Variants in LIN54 observed in about 807,000 individuals in gnomAD.
LIN54 encodes the protein lin-54 DREAM MuvB core complex component.
LIN54 carries 9 observed loss-of-function variants against 78.7 expected under a neutral mutation model. The ratio of observed to expected loss-of-function variants is 0.11; its 90% CI spans 0.07 to 0.20. The LOEUF (loss-of-function observed/expected upper bound fraction) is 0.20. LIN54 is among the 10% of genes least tolerant of loss of function. The pLI is 1.00. For synonymous variants in LIN54, 269 were observed against 318.4 expected, an observed-to-expected ratio of 0.84 and a Z score of 1.65; for missense variants, 573 against 889.9, an observed-to-expected ratio of 0.64 and a Z score of 4.53.
intron 4 of LIN54, among the ~76,000 whole-genome samples, chr4:82,961,535 GA>G (rs1297585899): frequency 2.0e-5 from 3 of 152,104 alleles, no homozygotes; most frequent in African/African-American, 7.2e-5. Flanking sequence ...TGAAAAAAAA[GA>G]GTTCTCCACT....
Position 82,984,375 on chromosome 4 carries a change from G to A in LIN54, c.470C>T (p.Pro157Leu). Reference sequence around the variant, plus strand: ...CTGAGCCTGGGGTAGTTGGCTATGGGGTAGTGCTAAAACAATTGGTGAACC... The same window carrying A: ...CTGAGCCTGGGGTAGTTGGCTATGGAGTAGTGCTAAAACAATTGGTGAACC... ...KSGSPIVLAL[P>L]HSQLPQAQKV... is the part of the protein sequence containing the mutation. The change falls in exon 2 of 13, where the codon CCC becomes CTC. Residue 157 changes from proline (P) to leucine (L), a missense_variant. Pro to Leu is a moderately conservative substitution (Grantham distance 98). Transcript: ENST00000340417. The A allele has an allele frequency of 6.2e-7, 1 of 1,614,148 alleles. No homozygotes were observed. Among genetic ancestry groups the A allele is most frequent in the Non-Finnish European group, 8.5e-7 (1 of 1,180,010 alleles).
intron 1 of LIN54, among the ~76,000 whole-genome samples, chr4:82,994,925 G>T (rs1048782048): frequency 6.6e-6 from 1 of 151,984 alleles, no homozygotes; most frequent in Non-Finnish European, 1.5e-5. Flanking sequence ...TACCTGTCCT[G>T]TTAAAAGAGA....
At chr4:83,006,941 A>G (rs978878689) in intron 1 of LIN54, among the ~76,000 whole-genome samples, 1 of 152,156 alleles carries the variant, frequency 6.6e-6, no homozygotes, top group Non-Finnish European at 1.5e-5. Context: ...GGAGTTTGAG[A>G]CCAGCCTGGC....
chr4:83,010,978 G>A (rs1729825772), upstream of LIN54: 5 of 575,162 alleles, frequency 8.7e-6, no homozygotes, highest in Non-Finnish European at 1.3e-5. Flanking sequence ...TCACCCCCGG[G>A]CGGAGCACGG....
Position 82,926,287 on chromosome 4 carries a change from A to G in LIN54, c.*1815T>C, listed in dbSNP as rs1315757435. ...CTTGATTATTATTTTACCCTCTTACACTAATTTACATTTATACAAATTTTA... is the reference window on the plus strand; with the variant it reads ...CTTGATTATTATTTTACCCTCTTACGCTAATTTACATTTATACAAATTTTA... On this transcript the variant is annotated 3_prime_UTR_variant, in exon 13 of 13. Coordinates refer to ENST00000340417, the MANE Select transcript of LIN54 (RefSeq NM_194282.4). 2 of 152,494 alleles carry G rather than the reference A, an allele frequency of 1.3e-5. No individual in the cohort carries two copies. The highest frequency in any genetic ancestry group is 2.4e-5 in the African/African-American group (1 of 41,404). 9.4% of individuals were successfully genotyped at this position (152,494 alleles called of 1,614,324 possible). A position where few individuals can be genotyped will look rare whatever the true frequency, so the allele number is the denominator to read the frequency against.
intron 5 of LIN54, among the ~76,000 whole-genome samples, chr4:82,942,402 T>C (rs1436550645): frequency 1.3e-5 from 2 of 152,212 alleles, no homozygotes; most frequent in African/African-American, 4.8e-5. Flanking sequence ...ATGGTATACA[T>C]GAATTACATC....
At chr4:82,946,587 CT>C in intron 4 of LIN54, 113 bp from the exon 5 acceptor site, 1 of 802,310 alleles carries the variant, frequency 1.2e-6, no homozygotes, top group South Asian at 1.7e-5. Context: ...GCATCAAAAG[CT>C]GCTGAAAGGA....
chr4:82,939,094 T>C (rs1288092063), intron 7 of LIN54, among the ~76,000 whole-genome samples: 2 of 152,222 alleles, frequency 1.3e-5, no homozygotes, highest in Admixed American at 1.3e-4. Context: ...TAAGAGTAGA[T>C]AGATCGCTGA....
chr4:83,008,067 T>C (rs543172346), intron 1 of LIN54, among the ~76,000 whole-genome samples: 1 of 152,268 alleles, frequency 6.6e-6, no homozygotes, highest in Non-Finnish European at 1.5e-5. Flanking sequence ...TATGGTGTTT[T>C]TACCTCCATC....
intron 1 of LIN54, 120 bp from the exon 2 acceptor site, chr4:82,984,996 A>G: frequency 1.5e-6 from 1 of 649,196 alleles, no homozygotes; most frequent in Non-Finnish European, 2.6e-6. Context: ...TTGAATGAAG[A>G]ATATTCCTGA....
intron 1 of LIN54, among the ~76,000 whole-genome samples, chr4:82,987,288 C>T (rs1727235904): frequency 1.3e-5 from 2 of 152,110 alleles, no homozygotes; most frequent in South Asian, 4.1e-4. Flanking sequence ...GAGACTTTGT[C>T]TCAAAAATTT....
intron 4 of LIN54, among the ~76,000 whole-genome samples, chr4:82,968,297 TA>T (rs978783299): frequency 1.3e-5 from 2 of 152,042 alleles, no homozygotes; most frequent in Non-Finnish European, 2.9e-5. Flanking sequence ...TAGTTAAGTG[TA>T]AAATCTTGCC....
intron 4 of LIN54, among the ~76,000 whole-genome samples, chr4:82,960,658 C>G (rs914699266): frequency 3.9e-5 from 6 of 152,112 alleles, no homozygotes; most frequent in Admixed American, 3.3e-4. Context: ...GTCTCAAACT[C>G]CTGGTGCCCA....
intron 4 of LIN54, among the ~76,000 whole-genome samples, chr4:82,951,409 A>AT (rs774286796): frequency 2.6e-5 from 4 of 152,178 alleles, no homozygotes; most frequent in South Asian, 2.1e-4. Flanking sequence ...ATTAGTATCC[A>AT]TGGTAGCAGC....
intron 4 of LIN54, among the ~76,000 whole-genome samples, chr4:82,965,105 T>TA (rs1462091071): frequency 6.6e-6 from 1 of 152,072 alleles, no homozygotes; most frequent in African/African-American, 2.4e-5. Flanking sequence ...AAGGGCCATG[T>TA]AAAAAATAAT....
chr4:82,954,695 A>G (rs1184550373), intron 4 of LIN54, among the ~76,000 whole-genome samples: 4 of 152,218 alleles, frequency 2.6e-5, no homozygotes, highest in African/African-American at 9.6e-5. Flanking sequence ...TAACAGGAGA[A>G]CATAAAAACA....
intron 1 of LIN54, among the ~76,000 whole-genome samples, chr4:83,008,964 A>G (rs1729639358): frequency 6.6e-6 from 1 of 152,236 alleles, no homozygotes; most frequent in South Asian, 2.1e-4. Context: ...GTCAGCAGCT[A>G]TAAGGCATGG....
chr4:83,003,817 C>T (rs889587012), intron 1 of LIN54, among the ~76,000 whole-genome samples: 3 of 152,150 alleles, frequency 2.0e-5, no homozygotes, highest in Non-Finnish European at 4.4e-5. Context: ...TGAGCTACTG[C>T]ACCTGACCTA....
chr4:82,956,125 A>G (rs1373794762), intron 4 of LIN54, among the ~76,000 whole-genome samples: 1 of 151,914 alleles, frequency 6.6e-6, no homozygotes, highest in Non-Finnish European at 1.5e-5. Context: ...ATTTTTTAGT[A>G]TTTTTAGTAG....
Sources: allele counts gnomAD v4.1 joint callset (sites outside exome capture counted in the v4.1 genomes callset), GRCh38; gene constraint gnomAD v4.1.1; transcripts MANE v1.5; gene names NCBI Gene and HGNC (gene_info 2026-07-23, HGNC 2026-07-21).